MAP3K21: variants seen among roughly 807,000 people sequenced by gnomAD.
MAP3K21 encodes the protein mitogen-activated protein kinase kinase kinase MLK4.
MAP3K21 carries 63 observed loss-of-function variants against 86.1 expected under a neutral mutation model. The observed-to-expected ratio is 0.73, with a 90% CI of 0.60 to 0.90. The LOEUF (loss-of-function observed/expected upper bound fraction) is 0.90. Among genes scored for constraint, MAP3K21 ranks in the 40% least tolerant of loss-of-function variants. MAP3K21 has a pLI of 0.00. For missense variants in MAP3K21, 1,220 were observed against 1,367.7 expected (o/e 0.89, Z 1.70); for synonymous variants, 558 against 564.8 (o/e 0.99, Z 0.17).
intron 1 of MAP3K21, among the ~76,000 whole-genome samples, chr1:233,330,493 T>G (rs1192936676): frequency 6.6e-6 from 1 of 152,216 alleles, no homozygotes; most frequent in Non-Finnish European, 1.5e-5. Context: ...ATAGAATGGG[T>G]GACTTGTCCA....
intron 5 of MAP3K21, among the ~76,000 whole-genome samples, chr1:233,368,424 C>G (rs1416935115): frequency 6.6e-6 from 1 of 152,052 alleles, no homozygotes; most frequent in African/African-American, 2.4e-5. Context: ...GAGGCCAAGG[C>G]AGGTGGATTG....
chr1:233,378,907 G>A (rs1269638742), intron 8 of MAP3K21, 24 bp from the exon 9 acceptor site: 3 of 1,530,612 alleles, frequency 2.0e-6, no homozygotes, highest in Non-Finnish European at 2.7e-6. Context: ...ATACTACAGT[G>A]TATGTACTTA....
intron 5 of MAP3K21, among the ~76,000 whole-genome samples, chr1:233,369,709 A>T (rs1663647867): frequency 6.6e-6 from 1 of 152,178 alleles, no homozygotes; most frequent in Non-Finnish European, 1.5e-5. Context: ...ATCCATAAAG[A>T]TCATTTTACT....
At position 233,354,428 on chromosome 1, in the gene MAP3K21, T is replaced by C. The variant is rs543024275; in HGVS notation, c.1136-408T>C. ...TCCTTCATTGTTAGGCTATTTTTGA[T>C]TTTTAGAACTTCTCATGTGGATATA... is the stretch of plus-strand genomic sequence containing the variant. On this transcript the variant is annotated intron_variant, in intron 3 of 9. Coordinates refer to ENST00000366624, the MANE Select transcript of MAP3K21 (RefSeq NM_032435.3). Among the ~76,000 whole-genome samples, 166 of 152,336 alleles carry C rather than the reference T, an allele frequency of 1.1e-3. 2 individuals carry two copies. Among genetic ancestry groups the C allele is most frequent in the African/African-American group, 3.7e-3 (154 of 41,580 alleles).
intron 2 of MAP3K21, among the ~76,000 whole-genome samples, chr1:233,350,144 A>G (rs1274521705): frequency 1.3e-5 from 2 of 152,162 alleles, no homozygotes; most frequent in African/African-American, 2.4e-5. Flanking sequence ...CGTGTACTTT[A>G]AAGCATCTCT....
chr1:233,366,076 G>C (rs571032519), intron 5 of MAP3K21, among the ~76,000 whole-genome samples: 4 of 152,154 alleles, frequency 2.6e-5, no homozygotes, highest in Admixed American at 6.6e-5. Context: ...TATGTTAAGT[G>C]AAGTAAGTCA....
At chr1:233,355,892 C>T (rs58507994) in intron 4 of MAP3K21, among the ~76,000 whole-genome samples, 7 of 152,134 alleles carry the variant, frequency 4.6e-5, no homozygotes, top group African/African-American at 1.7e-4. Context: ...GTCCCCTTCT[C>T]CTTCTAAAAT....
At chr1:233,365,049 A>G (rs1272713885) in intron 5 of MAP3K21, among the ~76,000 whole-genome samples, 1 of 152,220 alleles carries the variant, frequency 6.6e-6, no homozygotes, top group Non-Finnish European at 1.5e-5. Flanking sequence ...AATGATAACT[A>G]TAAAAATAAT....
chr1:233,334,296 C>T (rs1278031498), intron 1 of MAP3K21, among the ~76,000 whole-genome samples: 1 of 152,004 alleles, frequency 6.6e-6, no homozygotes, highest in Non-Finnish European at 1.5e-5. Context: ...AGAGACACCA[C>T]CTCTGGCTCT....
At chr1:233,349,310 T>C (rs1265634410) in intron 2 of MAP3K21, among the ~76,000 whole-genome samples, 3 of 152,234 alleles carry the variant, frequency 2.0e-5, no homozygotes, top group Non-Finnish European at 4.4e-5. Context: ...TTTTAAGATA[T>C]TATACTTCAA....
At chr1:233,360,426 T>A (rs936633157) in intron 4 of MAP3K21, among the ~76,000 whole-genome samples, 4 of 152,182 alleles carry the variant, frequency 2.6e-5, no homozygotes, top group Non-Finnish European at 4.4e-5. Context: ...TTAGCTGAAG[T>A]GATTTAAACA....
chr1:233,371,753 GT>G (rs1370188350), intron 5 of MAP3K21, among the ~76,000 whole-genome samples: 4 of 67,002 alleles, frequency 6.0e-5, no homozygotes, highest in African/African-American at 2.9e-4. Flanking sequence ...TTTCCTTTGT[GT>G]GTGTGTGTGT....
chr1:233,339,349 TCCC>T (rs1181594913), intron 1 of MAP3K21, among the ~76,000 whole-genome samples: 262 of 95,116 alleles, frequency 2.8e-3, no homozygotes, highest in African/African-American at 3.3e-3. Context: ...CTCCCTCTTC[TCCC>T]TCTTCTCCTT....
chr1:233,336,582 C>A (rs1397548661), intron 1 of MAP3K21, among the ~76,000 whole-genome samples: 7 of 151,648 alleles, frequency 4.6e-5, no homozygotes, highest in African/African-American at 1.7e-4. Context: ...ATAAAAAAAT[C>A]CCTTAAAATT....
chr1:233,347,925 A>C (rs561644413), intron 2 of MAP3K21, among the ~76,000 whole-genome samples: 1 of 150,628 alleles, frequency 6.6e-6, no homozygotes, highest in African/African-American at 2.4e-5. Flanking sequence ...ATGTAAAAAA[A>C]CAAAATAAAA....
In MAP3K21 at chr1:233,343,798, G is replaced by A. The variant is rs188804593; in HGVS notation, c.806-2644G>A. Among the ~76,000 whole-genome samples, 11 of 152,286 alleles carry A rather than the reference G, an allele frequency of 7.2e-5. No homozygotes were observed. In the East Asian group the frequency reaches 2.1e-3, roughly 29 times the overall value. Reference sequence around the variant, plus strand: ...CCTATAGCATTGTCGTATGGGTTATGTAATTAAAATACCTACAACCTCACC... The same window carrying A: ...CCTATAGCATTGTCGTATGGGTTATATAATTAAAATACCTACAACCTCACC... On this transcript the variant is annotated intron_variant, in intron 1 of 9. Coordinates refer to ENST00000366624, the MANE Select transcript of MAP3K21 (RefSeq NM_032435.3).
intron 4 of MAP3K21, among the ~76,000 whole-genome samples, chr1:233,360,936 A>T (rs1182943950): frequency 6.6e-6 from 1 of 152,240 alleles, no homozygotes; most frequent in Non-Finnish European, 1.5e-5. Context: ...CTGAGAAGGC[A>T]TCTGCAGTTT....
chr1:233,329,724 A>G (rs953987238), intron 1 of MAP3K21, among the ~76,000 whole-genome samples: 3 of 152,138 alleles, frequency 2.0e-5, no homozygotes, highest in Non-Finnish European at 4.4e-5. Context: ...TTCTCCAGAC[A>G]AGAGGCACTG....
chr1:233,361,980 A>C, intron 4 of MAP3K21, 73 bp from the exon 5 acceptor site: 1 of 1,539,218 alleles, frequency 6.5e-7, no homozygotes, highest in Non-Finnish European at 8.8e-7. Context: ...AGGGGTCGCC[A>C]GTGTAGTGTA....
Sources: gnomAD v4.1 joint callset for allele counts (sites outside exome capture counted in the v4.1 genomes callset) on GRCh38, gnomAD v4.1.1 for gene constraint, MANE v1.5 for transcripts, NCBI Gene and HGNC (gene_info 2026-07-23, HGNC 2026-07-21) for gene names.